The following PRKCZ variants were observed in gnomAD, a reference collection of about 807,000 sequenced individuals.
PRKCZ encodes the protein protein kinase C zeta type.
A neutral mutation model predicts 79.5 loss-of-function variants in PRKCZ; 33 were observed. That is an observed-to-expected ratio of 0.41 (90% CI 0.31 to 0.55). PRKCZ has a LOEUF of 0.55. Among genes scored for constraint, PRKCZ ranks in the 20% least tolerant of loss-of-function variants. PRKCZ has a pLI of 0.19. For missense variants in PRKCZ, 578 were observed against 813.5 expected (o/e 0.71, Z 3.52); for synonymous variants, 342 against 320.9 (o/e 1.07, Z -0.70).
chr1:2,165,403 G>A lies in PRKCZ; in HGVS notation c.975-4115G>A, dbSNP rs1202761058. Among the ~76,000 whole-genome samples, 1 of 152,194 alleles carries A rather than the reference G, an allele frequency of 6.6e-6. No individual in the cohort carries two copies. Among genetic ancestry groups the A allele is most frequent in the Non-Finnish European group, 1.5e-5 (1 of 68,034 alleles). On this transcript the variant is annotated intron_variant, in intron 10 of 17. Coordinates refer to ENST00000378567, the MANE Select transcript of PRKCZ (RefSeq NM_002744.6). The surrounding 1 kb of genome is among the most constrained non-coding windows in gnomAD (Gnocchi z 4.1). ...GACAAGCCAGGAGCTGTGTGAGCCG[G>A]AGAACGTCCCCTAACCTGTCTGTGC...
At chr1:2,167,080 C>T (rs1453462437) in intron 10 of PRKCZ, among the ~76,000 whole-genome samples, 2 of 152,214 alleles carry the variant, frequency 1.3e-5, no homozygotes, top group Non-Finnish European at 2.9e-5. Context: ...GAAGAAATGT[C>T]AAAAGTAGCA....
At chr1:2,063,981 G>T (rs1034185271) in intron 4 of PRKCZ, among the ~76,000 whole-genome samples, 1 of 152,030 alleles carries the variant, frequency 6.6e-6, no homozygotes, top group Non-Finnish European at 1.5e-5. Flanking sequence ...GAGTAGCTGG[G>T]ATTACAGGCA....
chr1:2,067,844 AT>A (rs1464013771), intron 4 of PRKCZ, among the ~76,000 whole-genome samples: 2 of 151,968 alleles, frequency 1.3e-5, no homozygotes, highest in Non-Finnish European at 2.9e-5. Context: ...ATCTGTTAAT[AT>A]TTTTCCTTCT....
rs1406009504 is a variant in PRKCZ, at chr1:2,165,261, C to T, written c.975-4257C>T. The stretch of plus-strand genomic sequence containing the variant: ...TCAGGAATCTGATTTTCCAGCGTGC[C>T]CTGTAATGACGGTGCTGTCACCGCT... On this transcript the variant is annotated intron_variant, in intron 10 of 17. Transcript: ENST00000378567. The surrounding 1 kb of genome is among the most constrained non-coding windows in gnomAD (Gnocchi z 4.1). Among the ~76,000 whole-genome samples, 1 of 152,176 alleles carries T rather than the reference C, an allele frequency of 6.6e-6. No homozygotes were observed. The highest frequency in any genetic ancestry group is 1.9e-4 in the East Asian group (1 of 5,190).
At chr1:2,092,415 G>C (rs2292861) in intron 4 of PRKCZ, among the ~76,000 whole-genome samples, 1 of 151,998 alleles carries the variant, frequency 6.6e-6, no homozygotes. Context: ...GACAAAGTGC[G>C]CAGCTCTACC....
chr1:2,076,860 C>T (rs1013303333), intron 4 of PRKCZ, among the ~76,000 whole-genome samples: 1 of 152,154 alleles, frequency 6.6e-6, no homozygotes. Context: ...ATACAGGAGA[C>T]GCTGTGGCAG....
intron 10 of PRKCZ, among the ~76,000 whole-genome samples, chr1:2,158,523 C>G (rs80249187): frequency 6.6e-6 from 1 of 152,236 alleles, no homozygotes; most frequent in Non-Finnish European, 1.5e-5. Flanking sequence ...ATTCCCATTG[C>G]GCTTTTCCAG....
rs571497550 is a variant in PRKCZ, at chr1:2,135,179, G to A, written c.335-83G>A. On this transcript the variant is annotated intron_variant, in intron 4 of 17. Transcript: ENST00000378567. ...ACGCTGCGGCCGCCACCACCTGGAC[G>A]GGAGTGGCCTGTCGCAGCTGCACCC... 169 of 1,208,192 alleles carry A rather than the reference G, an allele frequency of 1.4e-4. No individual in the cohort carries two copies. The African/African-American group carries it at 2.2e-3, about 16-fold the overall frequency. 74.8% of individuals were successfully genotyped at this position (1,208,192 alleles called of 1,614,324 possible).
chr1:2,109,151 C>T (rs953885095), intron 4 of PRKCZ, among the ~76,000 whole-genome samples: 1 of 152,204 alleles, frequency 6.6e-6, no homozygotes, highest in African/African-American at 2.4e-5. Flanking sequence ...CCGTATGCCA[C>T]GGAAGGTGAC....
At position 2,178,233 on chromosome 1, in the gene PRKCZ, C is replaced by T. The variant is rs980331747; in HGVS notation, c.1575+2920C>T. The stretch of plus-strand genomic sequence containing the variant: ...TCCCCACACCCTGCAGTGGCTGCTC[C>T]GCCAGGCTGTGTGGCTCTGCCTGGT... On this transcript the variant is annotated intron_variant, in intron 16 of 17. Transcript: ENST00000378567. The surrounding 1 kb of genome is among the most constrained non-coding windows in gnomAD (Gnocchi z 4.3). Among the ~76,000 whole-genome samples the T allele has an allele frequency of 1.7e-4, 26 of 152,180 alleles. No individual in the cohort carries two copies. Among genetic ancestry groups the T allele is most frequent in the Non-Finnish European group, 2.9e-4 (20 of 68,020 alleles).
chr1:2,131,791 CAT>C (rs1675006683), intron 4 of PRKCZ, among the ~76,000 whole-genome samples: 1 of 152,240 alleles, frequency 6.6e-6, no homozygotes, highest in African/African-American at 2.4e-5. Flanking sequence ...ATTTTTGTCA[CAT>C]GACTGTGTAT....
In PRKCZ at chr1:2,082,145, CAG is replaced by C; in HGVS notation, c.334+22555_334+22556del. The C allele has an allele frequency of 3.0e-6, 1 of 330,182 alleles. No individual in the cohort carries two copies. Among genetic ancestry groups the C allele is most frequent in the Non-Finnish European group, 5.9e-6 (1 of 169,090 alleles). The allele number at this position is 330,182 out of a possible 1,614,324, so 20.5% of individuals were successfully genotyped here. On this transcript the variant is annotated intron_variant, in intron 4 of 17. Coordinates refer to ENST00000378567, the MANE Select transcript of PRKCZ (RefSeq NM_002744.6). This position sits in a 1 kb window ranked among gnomAD's most constrained non-coding sequence, Gnocchi z 4.4. ...ACGGCCATCCGAGGGCGGACGTGGT[CAG>C]GGGTGCTGGACGCGTCAGACGGGTT...
At chr1:2,103,348 G>A (rs1557565127) in intron 4 of PRKCZ, among the ~76,000 whole-genome samples, 1 of 152,244 alleles carries the variant, frequency 6.6e-6, no homozygotes, top group African/African-American at 2.4e-5. Flanking sequence ...GCAGTAGTAA[G>A]GGTTTATTTA....
At chr1:2,089,670 G>A (rs1167305833) in intron 4 of PRKCZ, among the ~76,000 whole-genome samples, 2 of 152,116 alleles carry the variant, frequency 1.3e-5, no homozygotes, top group South Asian at 2.1e-4. Context: ...TCCTGACACC[G>A]TCGCCTGTGG....
At chr1:2,071,084 C>T (rs1312962412) in intron 4 of PRKCZ, among the ~76,000 whole-genome samples, 2 of 103,616 alleles carry the variant, frequency 1.9e-5, no homozygotes, top group South Asian at 3.4e-4. Flanking sequence ...ATGCGGGGGC[C>T]GATTGCTCAG....
chr1:2,184,296 C>G, intron 16 of PRKCZ: 1 of 371,830 alleles, frequency 2.7e-6, no homozygotes, highest in Middle Eastern at 8.4e-4. Context: ...AAGGACCCCC[C>G]CAAGGAAGGG....
chr1:2,166,826 C>T (rs1033404934), intron 10 of PRKCZ, among the ~76,000 whole-genome samples: 5 of 152,248 alleles, frequency 3.3e-5, no homozygotes, highest in South Asian at 2.1e-4. Context: ...AAGCCACACA[C>T]GCCCCTGGCC....
At chr1:2,070,917 C>T (rs963895023) in intron 4 of PRKCZ, among the ~76,000 whole-genome samples, 6 of 152,236 alleles carry the variant, frequency 3.9e-5, no homozygotes, top group African/African-American at 4.8e-5. Context: ...TCCCCTGGCC[C>T]GTCTGCCTCC....
In PRKCZ at chr1:2,168,974, C is replaced by G. The variant is rs767959724; in HGVS notation, c.975-544C>G. The G allele has an allele frequency of 5.6e-6, 2 of 359,604 alleles. No homozygotes were observed. The highest frequency in any genetic ancestry group is 1.1e-5 in the Non-Finnish European group (2 of 176,564). The allele number at this position is 359,604 out of a possible 1,614,324, so 22.3% of individuals were successfully genotyped here. A position where few individuals can be genotyped will look rare whatever the true frequency, so the allele number is the denominator to read the frequency against. ...ATGACATCTGCGGATCTTTTAAAAT[C>G]ATACGATCATGTCTGCGAAACCGGG... On this transcript the variant is annotated intron_variant, in intron 10 of 17. Transcript: ENST00000378567. This position sits in a 1 kb window ranked among gnomAD's most constrained non-coding sequence, Gnocchi z 4.7.
Sources: allele counts gnomAD v4.1 joint callset (sites outside exome capture counted in the v4.1 genomes callset), GRCh38; gene constraint gnomAD v4.1.1; non-coding constraint Gnocchi (gnomAD v3.1); transcripts MANE v1.5; gene names NCBI Gene and HGNC (gene_info 2026-07-23, HGNC 2026-07-21).